AUTS2: variants seen among roughly 807,000 people sequenced by gnomAD.
AUTS2 encodes autism susceptibility gene 2 protein.
AUTS2 carries 17 observed loss-of-function variants against 112.4 expected under a neutral mutation model. That is an observed-to-expected ratio of 0.15 (90% confidence interval 0.10 to 0.23). The LOEUF (loss-of-function observed/expected upper bound fraction) is 0.23, where lower values mean the gene tolerates loss of function less well. Ranked by LOEUF, AUTS2 falls within the 10% of genes least tolerant of loss-of-function variation. The pLI is 1.00. For missense variants in AUTS2, 1,510 were observed against 1,701.6 expected, an observed-to-expected ratio of 0.89 and a Z score of 1.98; for synonymous variants, 751 against 702.7, an observed-to-expected ratio of 1.07 and a Z score of -1.09.
chr7:69,760,313 G>T (rs1187685918), intron 1 of AUTS2, among the ~76,000 whole-genome samples: 2 of 151,018 alleles, frequency 1.3e-5, no homozygotes, highest in African/African-American at 4.9e-5. Flanking sequence ...AGGATTGCAG[G>T]TGTGAGTCAT....
intron 1 of AUTS2, among the ~76,000 whole-genome samples, chr7:69,620,493 G>T (rs1256839078): frequency 6.6e-6 from 1 of 152,176 alleles, no homozygotes; most frequent in African/African-American, 2.4e-5. Context: ...TACTGGAAAA[G>T]AAATCTTAAA....
At chr7:70,043,555 T>TCCTC (rs1431174330) in intron 2 of AUTS2, among the ~76,000 whole-genome samples, 2 of 12,840 alleles carry the variant, frequency 1.6e-4, no homozygotes, top group Non-Finnish European at 3.1e-4. Flanking sequence ...CTCCCTTCCT[T>TCCTC]CCTTCCTTCC....
At chr7:70,140,006 T>A (rs1041754360) in intron 4 of AUTS2, among the ~76,000 whole-genome samples, 9 of 152,132 alleles carry the variant, frequency 5.9e-5, no homozygotes, top group African/African-American at 2.2e-4. Flanking sequence ...CAAAAAAAAT[T>A]TATAAATGAG....
At position 70,191,150 on chromosome 7, in the gene AUTS2, T is replaced by A. The variant is rs1809858303; in HGVS notation, c.660+56579T>A. On this transcript the variant is annotated intron_variant, in intron 4 of 18. Transcript: ENST00000342771. ...TTACATATGATGCTTTCAAATGTCA[T>A]CCACTTATTTCTTTTTTTTTTTTTT... is the stretch of plus-strand genomic sequence containing the variant. Among the ~76,000 whole-genome samples the A allele has an allele frequency of 1.4e-5, 2 of 147,604 alleles. 1 individual carries two copies. Among genetic ancestry groups the A allele is most frequent in the Middle Eastern group, 6.9e-3 (2 of 290 alleles).
At chr7:70,391,290 G>C (rs1243262081) in intron 4 of AUTS2, among the ~76,000 whole-genome samples, 1 of 152,230 alleles carries the variant, frequency 6.6e-6, no homozygotes, top group Non-Finnish European at 1.5e-5. Context: ...ATCATGTGGT[G>C]AGAATATTGA....
chr7:69,931,139 ACACACAC>A (rs1412133496), intron 2 of AUTS2, among the ~76,000 whole-genome samples: 3 of 151,776 alleles, frequency 2.0e-5, no homozygotes, highest in African/African-American at 7.3e-5. Flanking sequence ...ACACACACAC[ACACACAC>A]ACTACTTTTT....
chr7:70,503,379 T>A (rs1011325075), intron 5 of AUTS2, among the ~76,000 whole-genome samples: 5 of 152,058 alleles, frequency 3.3e-5, no homozygotes, highest in South Asian at 2.1e-4. Context: ...GCCTGTGTTA[T>A]CTTTCATGAT....
chr7:69,633,899 C>CA, intron 1 of AUTS2, among the ~76,000 whole-genome samples: 1 of 152,094 alleles, frequency 6.6e-6, no homozygotes, highest in Middle Eastern at 3.4e-3. Context: ...TGTAGGCTGC[C>CA]ATTTCATTGG....
At chr7:70,639,616 C>CAAAAA (rs5884790) in intron 5 of AUTS2, among the ~76,000 whole-genome samples, 13,126 of 74,516 alleles carry the variant, frequency 0.18, 1,747 homozygotes, top group Middle Eastern at 0.23. Flanking sequence ...GACCCTGTCT[C>CAAAAA]AAAAAAAAAA....
chr7:69,794,958 T>C (rs536474351), intron 1 of AUTS2, among the ~76,000 whole-genome samples: 1 of 152,280 alleles, frequency 6.6e-6, no homozygotes, highest in Middle Eastern at 3.4e-3. Flanking sequence ...TGTAGTACCA[T>C]ATAGTAGTTA....
intron 4 of AUTS2, among the ~76,000 whole-genome samples, chr7:70,366,439 G>C (rs1447993191): frequency 6.6e-6 from 1 of 152,168 alleles, no homozygotes; most frequent in Non-Finnish European, 1.5e-5. Flanking sequence ...GAGCAAAGCA[G>C]GTGAAGGCTG....
intron 4 of AUTS2, among the ~76,000 whole-genome samples, chr7:70,186,813 C>A (rs1286956901): frequency 6.6e-6 from 1 of 152,212 alleles, no homozygotes; most frequent in Non-Finnish European, 1.5e-5. Flanking sequence ...AGGTGATCCA[C>A]CTGCCTCAGC....
At chr7:69,980,643 A>G (rs1018905977) in intron 2 of AUTS2, among the ~76,000 whole-genome samples, 3 of 152,118 alleles carry the variant, frequency 2.0e-5, no homozygotes, top group Admixed American at 6.6e-5. Context: ...AAGTCATATG[A>G]TTACACATCC....
intron 1 of AUTS2, among the ~76,000 whole-genome samples, chr7:69,716,657 A>C (rs2129208771): frequency 6.6e-6 from 1 of 152,216 alleles, no homozygotes; most frequent in Admixed American, 6.5e-5. Flanking sequence ...AGATAGTATC[A>C]GATCTCACAA....
At chr7:70,435,718 G>C in intron 4 of AUTS2, 34 bp from the exon 5 acceptor site, 1 of 1,613,042 alleles carries the variant, frequency 6.2e-7, no homozygotes. Flanking sequence ...CTCAGTTCTT[G>C]CACTAACCCT....
intron 1 of AUTS2, among the ~76,000 whole-genome samples, chr7:69,724,095 A>G (rs989120634): frequency 2.0e-5 from 3 of 152,002 alleles, no homozygotes; most frequent in African/African-American, 7.2e-5. Flanking sequence ...ATGTGGGGGG[A>G]AAAAAATCAC....
At chr7:69,784,608 C>T (rs1789284531) in intron 1 of AUTS2, among the ~76,000 whole-genome samples, 1 of 152,082 alleles carries the variant, frequency 6.6e-6, no homozygotes, top group African/African-American at 2.4e-5. Flanking sequence ...AACTGGTAGA[C>T]CCAGAACAGT....
chr7:70,056,081 G>A (rs1399164103), intron 2 of AUTS2, among the ~76,000 whole-genome samples: 1 of 151,938 alleles, frequency 6.6e-6, no homozygotes, highest in Non-Finnish European at 1.5e-5. Context: ...TCCACCTCCC[G>A]GGTTCTAGCG....
chr7:70,018,012 G>A (rs1245821364), intron 2 of AUTS2, among the ~76,000 whole-genome samples: 1 of 151,856 alleles, frequency 6.6e-6, no homozygotes, highest in African/African-American at 2.4e-5. Context: ...ATAGAAACTG[G>A]GTTTGGTTTG....
Sources: allele counts gnomAD v4.1 joint callset (sites outside exome capture counted in the v4.1 genomes callset), GRCh38; gene constraint gnomAD v4.1.1; transcripts MANE v1.5; gene names NCBI Gene and HGNC (gene_info 2026-07-23, HGNC 2026-07-21).